PALLD: variants seen among roughly 807,000 people sequenced by gnomAD.
The protein encoded by PALLD is palladin.
Under a neutral mutation model 123.5 loss-of-function variants are expected in PALLD, and 61 were observed. The observed-to-expected ratio is 0.49, with a 90% CI of 0.40 to 0.61. The LOEUF is 0.61. PALLD is among the 20% of genes least tolerant of loss of function. The pLI, the probability that PALLD is intolerant of heterozygous loss-of-function variation, is 0.00. For missense variants in PALLD, 1,273 were observed against 1,377.0 expected (o/e 0.92, Z 1.20); for synonymous variants, 465 against 496.4 (o/e 0.94, Z 0.84).
At chr4:168,504,853 G>A (rs772442786) in intron 1 of PALLD, 1 of 152,170 alleles carries the variant, frequency 6.6e-6, no homozygotes, top group Non-Finnish European at 1.5e-5. Context: ...CCACTTTAAT[G>A]GCGTTGGTGT....
chr4:168,905,790 C>CTTTTTTTTTTT (rs59427697), intron 15 of PALLD, among the ~76,000 whole-genome samples: 45 of 113,090 alleles, frequency 4.0e-4, no homozygotes, highest in African/African-American at 4.8e-4. Flanking sequence ...GCTTTTTTTT[C>CTTTTTTTTTTT]TTTTTTTTTT....
At chr4:168,835,503 C>T (rs1745027405) in intron 10 of PALLD, among the ~76,000 whole-genome samples, 1 of 152,060 alleles carries the variant, frequency 6.6e-6, no homozygotes, top group Admixed American at 6.6e-5. Flanking sequence ...TGTTCCAGGG[C>T]CATACAGAGA....
chr4:168,526,783 T>C (rs1037611784), intron 2 of PALLD, among the ~76,000 whole-genome samples: 2 of 152,024 alleles, frequency 1.3e-5, no homozygotes, highest in South Asian at 2.1e-4. Context: ...AAGTGGATCT[T>C]AGTTGATCAG....
At chr4:168,888,533 G>C (rs1753687112) in intron 10 of PALLD, among the ~76,000 whole-genome samples, 1 of 152,136 alleles carries the variant, frequency 6.6e-6, no homozygotes, top group South Asian at 2.1e-4. Flanking sequence ...TGCCGCTTTT[G>C]ACATTGCATT....
At chr4:168,500,637 C>A (rs2710830) in intron 1 of PALLD, among the ~76,000 whole-genome samples, 108,681 of 152,024 alleles carry the variant, frequency 0.71, 39,138 homozygotes, top group African/African-American at 0.79. Flanking sequence ...CAGCCTCCAA[C>A]AGTGCTGGGA....
At chr4:168,739,971 G>A (rs1007336852) in intron 10 of PALLD, among the ~76,000 whole-genome samples, 1 of 152,132 alleles carries the variant, frequency 6.6e-6, no homozygotes, top group Non-Finnish European at 1.5e-5. Context: ...GCTTAAAACA[G>A]CCCCTGGTTT....
chr4:168,523,210 G>A lies in PALLD; in HGVS notation c.908+10798G>A, dbSNP rs992955221. On this transcript the variant is annotated intron_variant, in intron 2 of 21. Coordinates refer to ENST00000505667, the MANE Select transcript of PALLD (RefSeq NM_001166108.2). ...GTAATGGAGGAGAATCTTTGAGAAC[G>A]AGAAGAAAGAGGAGAGGAGAGGAGG... Among the ~76,000 whole-genome samples the A allele has an allele frequency of 1.1e-4, 10 of 93,494 alleles. No individual in the cohort carries two copies. The East Asian group carries it at 1.8e-3, about 16-fold the overall frequency. The allele number at this position is 93,494 out of a possible 152,430, so 61.3% of individuals were successfully genotyped here. A position where few individuals can be genotyped will look rare whatever the true frequency, so the allele number is the denominator to read the frequency against.
rs1581992676 is a variant in PALLD, at chr4:168,898,252, A to C, written c.2251-241A>C. The C allele has an allele frequency of 7.3e-6, 4 of 545,074 alleles. No homozygotes were observed. The East Asian group carries it at 1.3e-4, about 17-fold the overall frequency. The allele number at this position is 545,074 out of a possible 1,614,324, so 33.8% of individuals were successfully genotyped here. On this transcript the variant is annotated intron_variant, in intron 13 of 21. Transcript: ENST00000505667. ...GCCTCAGAGAAAAGAAGGAAAAAAAAATTCATCTTTCCTACCCCCCTCTTT... is the reference window on the plus strand; with the variant it reads ...GCCTCAGAGAAAAGAAGGAAAAAAACATTCATCTTTCCTACCCCCCTCTTT...
At chr4:168,863,059 C>T (rs982951954) in intron 10 of PALLD, among the ~76,000 whole-genome samples, 4 of 152,188 alleles carry the variant, frequency 2.6e-5, no homozygotes, top group South Asian at 4.1e-4. Flanking sequence ...TAATGACTAT[C>T]GCTTTGAAGG....
At chr4:168,900,186 A>G (rs1756191348) in intron 14 of PALLD, among the ~76,000 whole-genome samples, 1 of 152,180 alleles carries the variant, frequency 6.6e-6, no homozygotes, top group Non-Finnish European at 1.5e-5. Context: ...TAAACCATTC[A>G]TGAGGGATCC....
At chr4:168,631,224 C>T (rs1775767798) in intron 2 of PALLD, among the ~76,000 whole-genome samples, 2 of 152,160 alleles carry the variant, frequency 1.3e-5, no homozygotes, top group African/African-American at 4.8e-5. Flanking sequence ...TGAAAGATAC[C>T]TTGTGTGGAA....
rs796366619 is a variant in PALLD, at chr4:168,810,834, A to AAAG, written c.1965-80073_1965-80071dup. On this transcript the variant is annotated intron_variant, in intron 10 of 21. Coordinates refer to ENST00000505667, the MANE Select transcript of PALLD (RefSeq NM_001166108.2). ...CGTCTCAAAAAAAAAAAAGAAAAAA[A>AAAG]AAGAAGAAGAAGAAGAAAATTCAGG... 1.3e-4 allele frequency among the ~76,000 whole-genome samples: 19 copies of AAAG among 145,680 alleles called. 1 individual carries two copies. Among genetic ancestry groups the AAAG allele is most frequent in the Non-Finnish European group, 2.1e-4 (14 of 66,398 alleles).
intron 8 of PALLD, among the ~76,000 whole-genome samples, 178 bp downstream of exon 8, chr4:168,691,470 A>G (rs898985043): frequency 6.6e-6 from 1 of 152,168 alleles, no homozygotes; most frequent in Non-Finnish European, 1.5e-5. Flanking sequence ...GAGTCTGTAC[A>G]CTGCATTTTA....
intron 10 of PALLD, among the ~76,000 whole-genome samples, chr4:168,769,338 T>A (rs1438294789): frequency 6.6e-6 from 1 of 152,206 alleles, no homozygotes; most frequent in East Asian, 1.9e-4. Context: ...CTCATCTGTA[T>A]AAGGTCTCGT....
rs551597573 is a variant in PALLD, at chr4:168,924,507, A to G, written c.3224+87A>G. The G allele has an allele frequency of 1.3e-3, 1,702 of 1,278,140 alleles. 41 individuals are homozygous for G. The South Asian group carries it at 0.02, about 15-fold the overall frequency. 79.2% of individuals were successfully genotyped at this position (1,278,140 alleles called of 1,614,324 possible). A position where few individuals can be genotyped will look rare whatever the true frequency, so the allele number is the denominator to read the frequency against. ...TACATTTTATATAGCATGGAAATCT[A>G]TGTGTAAAAGCCACATAGATGTTTT... On this transcript the variant is annotated intron_variant, in intron 19 of 21. Transcript: ENST00000505667.
intron 10 of PALLD, among the ~76,000 whole-genome samples, chr4:168,736,841 T>G (rs1787807359): frequency 6.6e-6 from 1 of 151,592 alleles, no homozygotes; most frequent in Non-Finnish European, 1.5e-5. Context: ...CTGACAACTG[T>G]GATGAAGAGA....
chr4:168,837,016 TTC>T lies in PALLD; in HGVS notation c.1965-53900_1965-53899del, dbSNP rs1265492384. On this transcript the variant is annotated intron_variant, in intron 10 of 21. Coordinates refer to ENST00000505667, the MANE Select transcript of PALLD (RefSeq NM_001166108.2). ...TTACAATGGCAAAAGGGACTCCACC[TTC>T]TCTCTTTTTCCATTTAAGCCCTGGA... Among the ~76,000 whole-genome samples the T allele has an allele frequency of 3.3e-5, 5 of 152,200 alleles. No individual in the cohort carries two copies. The East Asian group carries it at 9.6e-4, about 29-fold the overall frequency.
At chr4:168,601,421 G>T (rs1169491671) in intron 2 of PALLD, among the ~76,000 whole-genome samples, 1 of 152,058 alleles carries the variant, frequency 6.6e-6, no homozygotes, top group African/African-American at 2.4e-5. Context: ...GCCATGAATA[G>T]CCTGTTAGAG....
At chr4:168,516,626 G>A (rs1214559599) in intron 2 of PALLD, among the ~76,000 whole-genome samples, 1 of 152,152 alleles carries the variant, frequency 6.6e-6, no homozygotes, top group Non-Finnish European at 1.5e-5. Flanking sequence ...TAGTCATGGA[G>A]ACTGGAGTAT....
Sources: allele counts gnomAD v4.1 joint callset (sites outside exome capture counted in the v4.1 genomes callset), GRCh38; gene constraint gnomAD v4.1.1; transcripts MANE v1.5; gene names NCBI Gene and HGNC (gene_info 2026-07-23, HGNC 2026-07-21).